Variants in SMAD9 observed in about 807,000 individuals in gnomAD.
SMAD9 encodes the protein SMAD family member 9.
SMAD9 carries 36 observed loss-of-function variants against 46.1 expected under a neutral mutation model. The ratio of observed to expected loss-of-function variants is 0.78; its 90% CI spans 0.60 to 1.03. The LOEUF is 1.03. SMAD9 is among the 50% of genes least tolerant of loss of function. The probability of loss-of-function intolerance (pLI) is 0.00; values close to 1 mark genes in which losing one functional copy is unlikely to be tolerated. For missense variants in SMAD9, 572 were observed against 599.8 expected, an observed-to-expected ratio of 0.95 and a Z score of 0.48; for synonymous variants, 245 against 237.1, an observed-to-expected ratio of 1.03 and a Z score of -0.31.
intron 5 of SMAD9, among the ~76,000 whole-genome samples, chr13:36,854,084 G>A (rs1487684586): frequency 6.6e-6 from 1 of 152,068 alleles, no homozygotes; most frequent in Non-Finnish European, 1.5e-5. Context: ...GCTTGAACCT[G>A]GGAGGCAGAG....
Position 36,848,250 on chromosome 13 carries a change from C to G in SMAD9, c.*426G>C, listed in dbSNP as rs1337197676. 1 of 175,478 alleles carries G rather than the reference C, an allele frequency of 5.7e-6. No homozygotes were observed. The highest frequency in any genetic ancestry group is 1.2e-5 in the Non-Finnish European group (1 of 81,912). The allele number at this position is 175,478 out of a possible 1,614,324, so 10.9% of individuals were successfully genotyped here. ...CATCATTTAAACTGTAGGGGTTTCACTGCTTTGTTTCATCTGAGTGATATT... is the reference window on the plus strand; with the variant it reads ...CATCATTTAAACTGTAGGGGTTTCAGTGCTTTGTTTCATCTGAGTGATATT... On this transcript the variant is annotated 3_prime_UTR_variant, in exon 7 of 7. Transcript: ENST00000379826.
intron 1 of SMAD9, among the ~76,000 whole-genome samples, chr13:36,886,250 A>T (rs2058443614): frequency 6.6e-6 from 1 of 152,164 alleles, no homozygotes; most frequent in Non-Finnish European, 1.5e-5. Context: ...ACTGCACCAT[A>T]ATCCCGCTCC....
chr13:36,869,536 A>C (rs1014411104), intron 3 of SMAD9, among the ~76,000 whole-genome samples: 1 of 152,074 alleles, frequency 6.6e-6, no homozygotes, highest in Non-Finnish European at 1.5e-5. Flanking sequence ...TGTACTCTTA[A>C]AAATGGTTAA....
At chr13:36,868,733 T>C (rs867299187) in intron 3 of SMAD9, among the ~76,000 whole-genome samples, 6 of 151,938 alleles carry the variant, frequency 3.9e-5, no homozygotes, top group Non-Finnish European at 7.4e-5. Flanking sequence ...GCCCTGTCTC[T>C]AAAAAATTAA....
intron 3 of SMAD9, among the ~76,000 whole-genome samples, chr13:36,869,732 G>A (rs1387590069): frequency 6.6e-6 from 1 of 152,126 alleles, no homozygotes; most frequent in Non-Finnish European, 1.5e-5. Context: ...GGAAGGCTGA[G>A]GCAGGAGAAT....
chr13:36,861,316 A>G (rs2058179577), intron 5 of SMAD9, among the ~76,000 whole-genome samples: 1 of 152,066 alleles, frequency 6.6e-6, no homozygotes, highest in Admixed American at 6.5e-5. Flanking sequence ...CTATAATAAA[A>G]AGAATTTTTT....
intron 1 of SMAD9, among the ~76,000 whole-genome samples, chr13:36,887,015 A>G (rs2058451041): frequency 6.7e-6 from 1 of 149,558 alleles, no homozygotes; most frequent in Non-Finnish European, 1.5e-5. Context: ...TTTTATCTAA[A>G]GTGCAAAGGG....
intron 2 of SMAD9, among the ~76,000 whole-genome samples, chr13:36,875,806 T>C (rs2058340992): frequency 6.6e-6 from 1 of 152,192 alleles, no homozygotes; most frequent in East Asian, 1.9e-4. Context: ...CATCTGAATG[T>C]AGAGACTTCT....
At chr13:36,905,840 T>G (rs2058616404) in intron 1 of SMAD9, among the ~76,000 whole-genome samples, 1 of 144,128 alleles carries the variant, frequency 6.9e-6, no homozygotes, top group Non-Finnish European at 1.5e-5. Context: ...TATATTTTTT[T>G]AAAAGTTTTG....
chr13:36,888,097 G>A (rs1038956796), intron 1 of SMAD9, among the ~76,000 whole-genome samples: 1 of 152,194 alleles, frequency 6.6e-6, no homozygotes, highest in Non-Finnish European at 1.5e-5. Flanking sequence ...GAATAAATGA[G>A]CACTGCTGTT....
intron 1 of SMAD9, among the ~76,000 whole-genome samples, chr13:36,891,728 A>G (rs1378899379): frequency 2.0e-5 from 3 of 152,150 alleles, no homozygotes; most frequent in Non-Finnish European, 4.4e-5. Context: ...CCAACTTGCT[A>G]TATTTTTCTC....
intron 3 of SMAD9, among the ~76,000 whole-genome samples, chr13:36,869,583 A>G (rs897900165): frequency 2.6e-5 from 4 of 152,078 alleles, no homozygotes; most frequent in Non-Finnish European, 4.4e-5. Flanking sequence ...CTATAATCCC[A>G]GCACTTTCGG....
intron 1 of SMAD9, among the ~76,000 whole-genome samples, chr13:36,909,086 A>G: frequency 6.6e-6 from 1 of 152,218 alleles, no homozygotes; most frequent in African/African-American, 2.4e-5. Flanking sequence ...GAATGTTACT[A>G]TTGATTGGAT....
chr13:36,887,581 G>A (rs1245174952), intron 1 of SMAD9, among the ~76,000 whole-genome samples: 1 of 152,068 alleles, frequency 6.6e-6, no homozygotes, highest in Non-Finnish European at 1.5e-5. Context: ...GATCAGATGG[G>A]GGAGCAAGTA....
At chr13:36,851,927 G>A in intron 6 of SMAD9, 1 of 969,516 alleles carries the variant, frequency 1.0e-6, no homozygotes, top group Non-Finnish European at 1.2e-6. Context: ...AATTACCTAT[G>A]AGATATTGGC....
chr13:36,856,795 G>A (rs2058130419), intron 5 of SMAD9, among the ~76,000 whole-genome samples: 1 of 138,664 alleles, frequency 7.2e-6, no homozygotes, highest in South Asian at 2.3e-4. Flanking sequence ...CGGGTGACCT[G>A]CACTTTTTTT....
intron 1 of SMAD9, among the ~76,000 whole-genome samples, chr13:36,899,469 G>C (rs2058555897): frequency 6.6e-6 from 1 of 152,138 alleles, no homozygotes. Context: ...CTTGACTATT[G>C]ACTAGGAATC....
Position 36,880,477 on chromosome 13 carries a change from TGAAAA to T in SMAD9, c.-186-607_-186-603del, listed in dbSNP as rs551700582. Among the ~76,000 whole-genome samples, 28 of 152,240 alleles carry T rather than the reference TGAAAA, an allele frequency of 1.8e-4. No homozygotes were observed. In the South Asian group the frequency reaches 5.0e-3, roughly 27 times the overall value. ...TCTTCTTGTAGAAAATAAATACTAA[TGAAAA>T]GAAAAGAAAAAAAGAATCGTGAATA... On this transcript the variant is annotated intron_variant, in intron 1 of 6. Coordinates refer to ENST00000379826, the MANE Select transcript of SMAD9 (RefSeq NM_001127217.3).
intron 1 of SMAD9, among the ~76,000 whole-genome samples, chr13:36,913,523 T>TA (rs1390927435): frequency 6.6e-6 from 1 of 152,104 alleles, no homozygotes; most frequent in Non-Finnish European, 1.5e-5. Flanking sequence ...AATACAACTT[T>TA]AAAAAAATAA....
Sources: allele counts gnomAD v4.1 joint callset (sites outside exome capture counted in the v4.1 genomes callset), GRCh38; gene constraint gnomAD v4.1.1; transcripts MANE v1.5; gene names NCBI Gene and HGNC (gene_info 2026-07-23, HGNC 2026-07-21).